CNIH3: variants seen among roughly 807,000 people sequenced by gnomAD.
The protein encoded by CNIH3 is cornichon family AMPA receptor auxiliary protein 3.
Under a neutral mutation model 24.1 loss-of-function variants are expected in CNIH3, and 14 were observed. That is an observed-to-expected ratio of 0.58 (90% CI 0.38 to 0.91). The LOEUF (loss-of-function observed/expected upper bound fraction) is 0.91, where lower values mean the gene tolerates loss of function less well. Among genes scored for constraint, CNIH3 ranks in the 40% least tolerant of loss-of-function variants. CNIH3 has a pLI of 0.00. For missense variants in CNIH3, 178 were observed against 196.8 expected (o/e 0.90, Z 0.57); for synonymous variants, 68 against 73.8 (o/e 0.92, Z 0.40).
At chr1:224,710,252 C>T (rs1688067310) in intron 3 of CNIH3, among the ~76,000 whole-genome samples, 1 of 152,232 alleles carries the variant, frequency 6.6e-6, no homozygotes, top group Non-Finnish European at 1.5e-5. Context: ...CACCACATCT[C>T]TTGTCTTTCT....
chr1:224,717,032 C>A (rs562924695), intron 3 of CNIH3, among the ~76,000 whole-genome samples: 2 of 152,282 alleles, frequency 1.3e-5, no homozygotes, highest in African/African-American at 4.8e-5. Context: ...TAACACTGGC[C>A]AGCCTTTTCC....
At chr1:224,503,114 C>A (rs1349128940) in intron 1 of CNIH3, among the ~76,000 whole-genome samples, 2 of 152,144 alleles carry the variant, frequency 1.3e-5, no homozygotes, top group East Asian at 1.9e-4. Context: ...AAGTCACCAC[C>A]TTTTTGGGAG....
intron 1 of CNIH3, among the ~76,000 whole-genome samples, chr1:224,437,259 T>G (rs752241311): frequency 5.1e-4 from 78 of 152,222 alleles, no homozygotes; most frequent in Non-Finnish European, 9.3e-4. Flanking sequence ...CAAGTGTGTA[T>G]TTTGATACTT....
At chr1:224,714,380 A>C (rs1345173910) in intron 3 of CNIH3, among the ~76,000 whole-genome samples, 2 of 152,188 alleles carry the variant, frequency 1.3e-5, no homozygotes, top group Non-Finnish European at 2.9e-5. Context: ...GGTGCCACCA[A>C]GGGAAAATAT....
chr1:224,664,255 C>T (rs1187435490), intron 1 of CNIH3, among the ~76,000 whole-genome samples: 3 of 152,074 alleles, frequency 2.0e-5, no homozygotes, highest in Non-Finnish European at 2.9e-5. Flanking sequence ...GCCTGAGGGT[C>T]GGTTTTCTGA....
intron 3 of CNIH3, among the ~76,000 whole-genome samples, chr1:224,719,467 G>C (rs896192474): frequency 2.0e-5 from 3 of 152,136 alleles, no homozygotes; most frequent in African/African-American, 7.2e-5. Context: ...TTTAATTGCT[G>C]CTTTTTAAAA....
chr1:224,734,024 G>A (rs117935251), intron 4 of CNIH3, among the ~76,000 whole-genome samples: 11 of 152,152 alleles, frequency 7.2e-5, no homozygotes, highest in African/African-American at 1.2e-4. Flanking sequence ...CCCAGCTGCC[G>A]TCCAGGGCAC....
At chr1:224,622,028 T>C (rs1683307701) in intron 1 of CNIH3, among the ~76,000 whole-genome samples, 1 of 152,154 alleles carries the variant, frequency 6.6e-6, no homozygotes, top group African/African-American at 2.4e-5. Context: ...ATGCCTTTGC[T>C]CCTCCTTCAC....
intron 1 of CNIH3, among the ~76,000 whole-genome samples, chr1:224,443,362 G>C (rs1205446802): frequency 1.3e-5 from 2 of 152,078 alleles, no homozygotes; most frequent in Non-Finnish European, 2.9e-5. Flanking sequence ...GCCTGTAGTA[G>C]TCTAGATCCC....
Position 224,616,445 on chromosome 1 carries a change from C to T in CNIH3, c.-730C>T. ...GTTGGCCCGTTGGGTGGAGCCAGTG[C>T]TCGCCCCGGTCCGACCCCCGGTTTC... On this transcript the variant is annotated 5_prime_UTR_variant, in exon 1 of 6. Coordinates refer to ENST00000272133, the MANE Select transcript of CNIH3 (RefSeq NM_152495.2). 1.0e-6 allele frequency: 1 copy of T among 992,328 alleles called. No individual in the cohort carries two copies. The highest frequency in any genetic ancestry group is 1.2e-6 in the Non-Finnish European group (1 of 833,758). The allele number at this position is 992,328 out of a possible 1,614,324, so 61.5% of individuals were successfully genotyped here.
chr1:224,442,000 A>G (rs12742989), intron 1 of CNIH3, among the ~76,000 whole-genome samples: 41,984 of 147,352 alleles, frequency 0.28, 7,405 homozygotes, highest in African/African-American at 0.49. Context: ...TGGGAGATTT[A>G]TTGATTCCCT....
At chr1:224,455,861 G>A (rs1031132797) in intron 1 of CNIH3, among the ~76,000 whole-genome samples, 3 of 152,144 alleles carry the variant, frequency 2.0e-5, no homozygotes, top group Non-Finnish European at 4.4e-5. Context: ...TTTATATGAA[G>A]CATTTGGCTT....
At chr1:224,532,550 G>A (rs1337793665) in intron 2 of CNIH3, among the ~76,000 whole-genome samples, 2 of 152,232 alleles carry the variant, frequency 1.3e-5, no homozygotes, top group Non-Finnish European at 2.9e-5. Context: ...GTGGGCAGAA[G>A]TGGTTGTATT....
At chr1:224,464,676 A>G (rs1360612315) in intron 1 of CNIH3, among the ~76,000 whole-genome samples, 1 of 152,050 alleles carries the variant, frequency 6.6e-6, no homozygotes, top group East Asian at 1.9e-4. Flanking sequence ...TGTTCCATTT[A>G]TCTATTTTCC....
chr1:224,670,417 C>T (rs10915688), intron 1 of CNIH3, among the ~76,000 whole-genome samples: 6,302 of 152,256 alleles, frequency 0.041, 215 homozygotes, highest in East Asian at 0.14. Context: ...CCTTAAGGCT[C>T]AGCTTTGGAA....
chr1:224,677,758 G>A (rs1686207875), intron 1 of CNIH3, among the ~76,000 whole-genome samples: 1 of 152,216 alleles, frequency 6.6e-6, no homozygotes, highest in South Asian at 2.1e-4. Context: ...CACTCAGACA[G>A]AGACACAGGC....
At chr1:224,721,832 G>C (rs1688738155) in intron 3 of CNIH3, among the ~76,000 whole-genome samples, 1 of 152,184 alleles carries the variant, frequency 6.6e-6, no homozygotes, top group African/African-American at 2.4e-5. Flanking sequence ...AGAACTGGAG[G>C]GGGGATTCTG....
intron 3 of CNIH3, among the ~76,000 whole-genome samples, chr1:224,715,586 T>C (rs1409837470): frequency 6.6e-6 from 1 of 152,220 alleles, no homozygotes; most frequent in African/African-American, 2.4e-5. Flanking sequence ...ATTTGGCTCA[T>C]GGTTCATCTG....
At chr1:224,464,260 T>C (rs542230258) in intron 1 of CNIH3, among the ~76,000 whole-genome samples, 1 of 152,166 alleles carries the variant, frequency 6.6e-6, no homozygotes, top group Non-Finnish European at 1.5e-5. Flanking sequence ...AGAAGTTTTA[T>C]AGTTTTAGGT....
Sources: gnomAD v4.1 joint callset for allele counts (sites outside exome capture counted in the v4.1 genomes callset) on GRCh38, gnomAD v4.1.1 for gene constraint, MANE v1.5 for transcripts, NCBI Gene and HGNC (gene_info 2026-07-23, HGNC 2026-07-21) for gene names.